DDX4: variants seen among roughly 807,000 people sequenced by gnomAD.
DDX4 encodes the protein DEAD-box helicase 4.
Under a neutral mutation model 100.0 loss-of-function variants are expected in DDX4, and 25 were observed. The observed-to-expected ratio is 0.25, with a 90% CI of 0.18 to 0.35. The LOEUF is 0.35. Among genes scored for constraint, DDX4 ranks in the 10% least tolerant of loss-of-function variants. The probability of loss-of-function intolerance (pLI) is 1.00; values close to 1 mark genes in which losing one functional copy is unlikely to be tolerated. For missense variants in DDX4, 635 were observed against 882.4 expected (o/e 0.72, Z 3.55); for synonymous variants, 259 against 275.7 (o/e 0.94, Z 0.60).
intron 18 of DDX4, among the ~76,000 whole-genome samples, chr5:55,799,515 A>G (rs1561512035): frequency 6.6e-6 from 1 of 152,104 alleles, no homozygotes; most frequent in Non-Finnish European, 1.5e-5. Flanking sequence ...AGCCGGGACT[A>G]CAGGCGTGCA....
chr5:55,784,443 C>T (rs570347322), intron 10 of DDX4, among the ~76,000 whole-genome samples: 61 of 152,310 alleles, frequency 4.0e-4, no homozygotes, highest in African/African-American at 1.4e-3. Flanking sequence ...TTCTAAAACA[C>T]CTTCACAGAC....
At chr5:55,771,930 G>C (rs943639123) in intron 7 of DDX4, among the ~76,000 whole-genome samples, 1 of 147,578 alleles carries the variant, frequency 6.8e-6, no homozygotes, top group African/African-American at 2.5e-5. Flanking sequence ...TGCAAGAATA[G>C]TACATACAGA....
At chr5:55,762,472 G>A (rs1740625300) in intron 4 of DDX4, among the ~76,000 whole-genome samples, 1 of 152,128 alleles carries the variant, frequency 6.6e-6, no homozygotes, top group Non-Finnish European at 1.5e-5. Flanking sequence ...GTTTTTTGAA[G>A]AATGAAGTGA....
chr5:55,791,300 A>G lies in DDX4; in HGVS notation c.1302+595A>G, dbSNP rs946369716. Among the ~76,000 whole-genome samples, 9 of 152,302 alleles carry G rather than the reference A, an allele frequency of 5.9e-5. No individual in the cohort carries two copies. In the South Asian group the frequency reaches 1.9e-3, roughly 32 times the overall value. On this transcript the variant is annotated intron_variant, in intron 16 of 21. Transcript: ENST00000505374. ...CAGATTTGCTTTTTAAAAACTCTTT[A>G]AAGGGTGCTTCTGAGTTAAGAGTCA... is the stretch of plus-strand genomic sequence containing the variant.
rs1320756326 is a variant in DDX4 at position 55,764,030 on chromosome 5, G to T, written c.300G>T (p.Arg100Ser). 5 of 1,610,500 alleles carry T rather than the reference G, an allele frequency of 3.1e-6. No homozygotes were observed. The highest frequency in any genetic ancestry group is 4.2e-6 in the Non-Finnish European group (5 of 1,177,186). ...TTTGTATAGGTTTTTCAAACAGCAG[G>T]TTTGAAGATGGTGATAGCTCTGGTT... ...SFGNRGFSNS[R>S]FEDGDSSGFW... is the part of the protein sequence containing the mutation. Residue 100 changes from arginine (R) to serine (S), a missense_variant, in exon 6 of 22, where the codon AGG becomes AGT. Transcript: ENST00000505374.
At chr5:55,808,044 T>C (rs532011046) in intron 18 of DDX4, among the ~76,000 whole-genome samples, 1 of 152,302 alleles carries the variant, frequency 6.6e-6, no homozygotes, top group Non-Finnish European at 1.5e-5. Context: ...TCGAAACTTC[T>C]CTTCACATTT....
At chr5:55,750,777 C>T (rs1759506519) in intron 3 of DDX4, among the ~76,000 whole-genome samples, 1 of 152,102 alleles carries the variant, frequency 6.6e-6, no homozygotes, top group African/African-American at 2.4e-5. Context: ...GTATTTTTAA[C>T]TTAGAATTTT....
At chr5:55,807,878 A>G (rs957561898) in intron 18 of DDX4, among the ~76,000 whole-genome samples, 8 of 151,834 alleles carry the variant, frequency 5.3e-5, no homozygotes, top group Non-Finnish European at 1.2e-4. Flanking sequence ...GCCTTGCTAG[A>G]TTGAAGTTCT....
chr5:55,812,288 G>A (rs551725909), intron 18 of DDX4, among the ~76,000 whole-genome samples: 83 of 152,258 alleles, frequency 5.5e-4, no homozygotes, highest in African/African-American at 1.6e-3. Flanking sequence ...GGGGCCGGGC[G>A]CGGTGGTTCA....
intron 11 of DDX4, 33 bp downstream of exon 11, chr5:55,785,377 T>G (rs1742181207): frequency 2.5e-6 from 4 of 1,589,560 alleles, no homozygotes; most frequent in Non-Finnish European, 3.4e-6. Flanking sequence ...GTTTGATTTT[T>G]ATAGTGAGAG....
chr5:55,760,354 T>C (rs1740450095), intron 4 of DDX4, 77 bp downstream of exon 4: 5 of 1,419,696 alleles, frequency 3.5e-6, no homozygotes, highest in African/African-American at 3.0e-5. Context: ...GGCCATTTGG[T>C]ACAAAGCTAA....
intron 18 of DDX4, among the ~76,000 whole-genome samples, chr5:55,807,621 T>G (rs1743822002): frequency 6.6e-6 from 1 of 152,206 alleles, no homozygotes; most frequent in African/African-American, 2.4e-5. Flanking sequence ...GGTTGCAGAT[T>G]CTTTTCTTTA....
intron 17 of DDX4, 103 bp downstream of exon 17, chr5:55,792,910 A>T: frequency 1.5e-6 from 1 of 682,470 alleles, no homozygotes; most frequent in Non-Finnish European, 2.0e-6. Context: ...TGTCGTTAAG[A>T]TTTTAATATA....
intron 17 of DDX4, among the ~76,000 whole-genome samples, chr5:55,794,047 G>T (rs1186760661): frequency 6.6e-6 from 1 of 152,114 alleles, no homozygotes; most frequent in Non-Finnish European, 1.5e-5. Context: ...GTAAATCTTT[G>T]TGTAAAGTTA....
intron 17 of DDX4, among the ~76,000 whole-genome samples, chr5:55,793,023 AGTG>A (rs1372007653): frequency 2.1e-5 from 3 of 144,664 alleles, no homozygotes; most frequent in East Asian, 2.0e-4. Flanking sequence ...TTATTTAAAA[AGTG>A]TGTGTGTGTG....
chr5:55,765,408 AAAAAAATAT>A (rs1479491134), intron 6 of DDX4, among the ~76,000 whole-genome samples: 4 of 121,450 alleles, frequency 3.3e-5, no homozygotes, highest in Admixed American at 9.9e-5. Flanking sequence ...AAAAAAAAAA[AAAAAAATAT>A]ATATATATAT....
At chr5:55,800,912 A>G (rs1743256628) in intron 18 of DDX4, among the ~76,000 whole-genome samples, 1 of 152,080 alleles carries the variant, frequency 6.6e-6, no homozygotes, top group African/African-American at 2.4e-5. Context: ...TCACTTAATT[A>G]TGCTATTTTT....
At chr5:55,788,137 T>C (rs980300225) in intron 15 of DDX4, 137 bp downstream of exon 15, 2 of 780,704 alleles carry the variant, frequency 2.6e-6, no homozygotes, top group Non-Finnish European at 3.9e-6. Context: ...TTATCTTGTT[T>C]ATGGAATCCT....
chr5:55,739,744 G>A (rs1055746192), intron 2 of DDX4, among the ~76,000 whole-genome samples: 2 of 152,026 alleles, frequency 1.3e-5, no homozygotes, highest in East Asian at 1.9e-4. Flanking sequence ...CTTAGTGGAA[G>A]TTCTTATTTT....
Sources: gnomAD v4.1 joint callset for allele counts (sites outside exome capture counted in the v4.1 genomes callset) on GRCh38, gnomAD v4.1.1 for gene constraint, MANE v1.5 for transcripts, NCBI Gene and HGNC (gene_info 2026-07-23, HGNC 2026-07-21) for gene names.